GRM7: variants seen among roughly 807,000 people sequenced by gnomAD.
GRM7 encodes metabotropic glutamate receptor 7.
In GRM7, 35 loss-of-function variants were observed where a neutral mutation model predicts 84.5. That is an observed-to-expected ratio of 0.41 (90% CI 0.32 to 0.55). The LOEUF is 0.55. Ranked by LOEUF, GRM7 falls within the 20% of genes least tolerant of loss-of-function variation. The pLI is 0.19. For synonymous variants in GRM7, 487 were observed against 455.1 expected, an observed-to-expected ratio of 1.07 and a Z score of -0.89; for missense variants, 1,003 against 1,194.6, an observed-to-expected ratio of 0.84 and a Z score of 2.36.
At chr3:7,719,370 T>C (rs1167523506) in intron 9 of GRM7, among the ~76,000 whole-genome samples, 1 of 152,202 alleles carries the variant, frequency 6.6e-6, no homozygotes, top group Non-Finnish European at 1.5e-5. Context: ...TGCAAAAATA[T>C]AGTCTTCTTA....
rs565995297 is a variant in GRM7, at chr3:7,217,757, T to C, written c.736+71089T>C. ...AAAATTATTTTAAAACATTTTAAAA[T>C]TCTTACACTGAAAGATAACCATTGT... On this transcript the variant is annotated intron_variant, in intron 2 of 9. Coordinates refer to ENST00000357716, the MANE Select transcript of GRM7 (RefSeq NM_000844.4). Among the ~76,000 whole-genome samples the C allele has an allele frequency of 5.2e-4, 78 of 150,548 alleles. 2 individuals carry two copies. The South Asian group carries it at 0.016, about 31-fold the overall frequency.
intron 1 of GRM7, among the ~76,000 whole-genome samples, chr3:7,093,054 C>CA (rs1457458295): frequency 6.6e-6 from 1 of 151,984 alleles, no homozygotes; most frequent in African/African-American, 2.4e-5. Context: ...CAGAACAAGA[C>CA]CCTGTCTCAA....
rs114144995 is a variant in GRM7 at position 7,389,955 on chromosome 3, G to A, written c.1034-25068G>A. On this transcript the variant is annotated intron_variant, in intron 4 of 9. Coordinates refer to ENST00000357716, the MANE Select transcript of GRM7 (RefSeq NM_000844.4). Reference sequence around the variant, plus strand: ...TTCAGTATTGATTGCTTGTGCAGTTGGCTTCCATGGGCTATGTGCCTGCAT... The same window carrying A: ...TTCAGTATTGATTGCTTGTGCAGTTAGCTTCCATGGGCTATGTGCCTGCAT... Among the ~76,000 whole-genome samples the A allele has an allele frequency of 7.8e-3, 1,182 of 151,984 alleles. 10 individuals carry two copies. Among genetic ancestry groups the A allele is most frequent in the African/African-American group, 0.024 (979 of 41,458 alleles).
intron 2 of GRM7, among the ~76,000 whole-genome samples, chr3:7,182,342 T>TA (rs1190300260): frequency 1.3e-5 from 2 of 152,196 alleles, no homozygotes; most frequent in African/African-American, 2.4e-5. Flanking sequence ...GCTCTGTAAT[T>TA]AGCTATTTTG....
chr3:7,076,978 A>T (rs934518304), intron 1 of GRM7, among the ~76,000 whole-genome samples: 1 of 152,234 alleles, frequency 6.6e-6, no homozygotes. Context: ...AAAAATGCTC[A>T]TCATCACTGG....
intron 1 of GRM7, among the ~76,000 whole-genome samples, chr3:6,994,167 G>A (rs1023848878): frequency 1.3e-5 from 2 of 152,138 alleles, no homozygotes; most frequent in Non-Finnish European, 2.9e-5. Context: ...CATCGAAAGA[G>A]GCATTTTCAA....
rs1010898877 is a variant in GRM7 at position 7,290,781 on chromosome 3, C to A, written c.737-7903C>A. ...TCTACATTCTGGCTGCTGAAAACTT[C>A]TGGGGGTGTTCATCTGTCCTTGCTT... is the stretch of plus-strand genomic sequence containing the variant. On this transcript the variant is annotated intron_variant, in intron 2 of 9. Transcript: ENST00000357716. 2.0e-5 allele frequency among the ~76,000 whole-genome samples: 3 copies of A among 152,140 alleles called. No individual in the cohort carries two copies. The South Asian group carries it at 6.2e-4, about 32-fold the overall frequency.
chr3:7,471,790 T>C (rs990780870), intron 7 of GRM7, among the ~76,000 whole-genome samples: 3 of 152,208 alleles, frequency 2.0e-5, no homozygotes, highest in Non-Finnish European at 2.9e-5. Flanking sequence ...GAATGGATTA[T>C]TTTGCCTACC....
chr3:6,872,296 T>C (rs1275817175), intron 1 of GRM7, among the ~76,000 whole-genome samples: 1 of 152,164 alleles, frequency 6.6e-6, no homozygotes, highest in African/African-American at 2.4e-5. Context: ...CAAAGTACAT[T>C]GTTTTTAAAT....
chr3:6,947,590 C>T (rs1160459371), intron 1 of GRM7, among the ~76,000 whole-genome samples: 1 of 152,046 alleles, frequency 6.6e-6, no homozygotes, highest in Non-Finnish European at 1.5e-5. Flanking sequence ...GGGAGGATTC[C>T]CTCTTTTTCT....
chr3:7,387,667 C>T (rs1232006153), intron 4 of GRM7, among the ~76,000 whole-genome samples: 3 of 152,054 alleles, frequency 2.0e-5, no homozygotes, highest in African/African-American at 7.2e-5. Context: ...TGTACCAGTA[C>T]CATGCTGTTT....
intron 4 of GRM7, among the ~76,000 whole-genome samples, chr3:7,399,582 A>G (rs1437960140): frequency 6.6e-6 from 1 of 152,144 alleles, no homozygotes; most frequent in African/African-American, 2.4e-5. Flanking sequence ...CTCATGTTGA[A>G]ATTTGATCCT....
At chr3:7,067,707 G>T (rs2124979287) in intron 1 of GRM7, among the ~76,000 whole-genome samples, 1 of 152,026 alleles carries the variant, frequency 6.6e-6, no homozygotes, top group Admixed American at 6.6e-5. Context: ...TGTGTCTAAA[G>T]ACTATTGGCC....
chr3:7,298,735 G>T lies in GRM7; in HGVS notation c.788G>T (p.Arg263Met), dbSNP rs376730962. ...AGAATCCCCCAGGAACGCAAAGACA[G>T]GACCATTGACTTTGATAGAATTATC... ...SVRIPQERKD[R>M]TIDFDRIIKQ... Residue 263 changes from arginine to methionine, a missense_variant, in exon 3 of 10, where the codon AGG (arginine) becomes ATG (methionine). This residue lies in a region of GRM7 where 910 missense variants were observed against 1,126.0 expected (regional missense o/e 0.81). Transcript: ENST00000357716. The T allele has an allele frequency of 2.5e-6, 4 of 1,612,904 alleles. No individual in the cohort carries two copies. Among genetic ancestry groups the T allele is most frequent in the African/African-American group, 2.7e-5 (2 of 74,874 alleles).
intron 8 of GRM7, among the ~76,000 whole-genome samples, chr3:7,604,552 C>A (rs1168594561): frequency 2.6e-5 from 4 of 152,230 alleles, no homozygotes; most frequent in African/African-American, 9.6e-5. Flanking sequence ...AATGCTCAGA[C>A]CCCGTAAAGC....
At chr3:7,189,198 A>G (rs1029202759) in intron 2 of GRM7, among the ~76,000 whole-genome samples, 3 of 152,214 alleles carry the variant, frequency 2.0e-5, no homozygotes, top group Non-Finnish European at 4.4e-5. Flanking sequence ...ATCTCAATAT[A>G]TCCTGTATAT....
At chr3:7,005,139 G>C (rs1226973197) in intron 1 of GRM7, among the ~76,000 whole-genome samples, 1 of 152,182 alleles carries the variant, frequency 6.6e-6, no homozygotes, top group Non-Finnish European at 1.5e-5. Flanking sequence ...CAAGTCACGC[G>C]TCAAGGTGGA....
rs1290913724 is a variant in GRM7, at chr3:6,877,848, CACACAT to C, written c.519+15943_519+15948del. ...ACACACACACACACACACACACACA[CACACAT>C]ATGACTTCTGCTAGTAAATTACAAA... On this transcript the variant is annotated intron_variant, in intron 1 of 9. Transcript: ENST00000357716. Among the ~76,000 whole-genome samples, 147 of 133,134 alleles carry C rather than the reference CACACAT, an allele frequency of 1.1e-3. 2 individuals carry two copies. The highest frequency in any genetic ancestry group is 3.9e-3 in the African/African-American group (122 of 31,550). 87.3% of individuals were successfully genotyped at this position (133,134 alleles called of 152,430 possible). A position where few individuals can be genotyped will look rare whatever the true frequency, so the allele number is the denominator to read the frequency against.
At chr3:7,682,592 A>C (rs923003539) in intron 9 of GRM7, among the ~76,000 whole-genome samples, 8 of 151,930 alleles carry the variant, frequency 5.3e-5, no homozygotes, top group African/African-American at 1.9e-4. Context: ...ATACTGTTCA[A>C]AGTCAATAAG....
Sources: gnomAD v4.1 joint callset for allele counts (sites outside exome capture counted in the v4.1 genomes callset) on GRCh38, gnomAD v4.1.1 for gene constraint, gnomAD v4.1.1 regional missense constraint, MANE v1.5 for transcripts, NCBI Gene and HGNC (gene_info 2026-07-23, HGNC 2026-07-21) for gene names.